The following FKBP5 variants were observed in gnomAD, a reference collection of about 807,000 sequenced individuals.
The protein encoded by FKBP5 is FKBP prolyl isomerase 5.
A neutral mutation model predicts 50.5 loss-of-function variants in FKBP5; 23 were observed. The observed-to-expected ratio is 0.46, with a 90% CI of 0.33 to 0.65. The LOEUF (loss-of-function observed/expected upper bound fraction) is 0.65, where lower values mean the gene tolerates loss of function less well. FKBP5 is among the 30% of genes least tolerant of loss of function. The pLI is 0.02. For synonymous variants in FKBP5, 176 were observed against 190.6 expected, an observed-to-expected ratio of 0.92 and a Z score of 0.63; for missense variants, 411 against 553.1, an observed-to-expected ratio of 0.74 and a Z score of 2.58.
At chr6:35,578,629 G>T (rs1367088829) in intron 9 of FKBP5, among the ~76,000 whole-genome samples, 1 of 148,686 alleles carries the variant, frequency 6.7e-6, no homozygotes, top group African/African-American at 2.4e-5. Flanking sequence ...TTAGCCTGGT[G>T]TGGTGGTCGG....
At chr6:35,610,259 T>C (rs1763448622) in intron 5 of FKBP5, among the ~76,000 whole-genome samples, 1 of 152,118 alleles carries the variant, frequency 6.6e-6, no homozygotes, top group Non-Finnish European at 1.5e-5. Context: ...TTTTCCCCTT[T>C]AAATTTGTTT....
chr6:35,612,907 T>C (rs1342560519), intron 5 of FKBP5, among the ~76,000 whole-genome samples: 1 of 152,236 alleles, frequency 6.6e-6, no homozygotes, highest in African/African-American at 2.4e-5. Context: ...CCGTTATCAC[T>C]GTCACACAAC....
intron 1 of FKBP5, among the ~76,000 whole-genome samples, chr6:35,647,434 T>TG (rs1764660567): frequency 6.6e-6 from 1 of 152,226 alleles, no homozygotes; most frequent in Admixed American, 6.5e-5. Context: ...TGCAAAACTC[T>TG]GAGGTGGAAA....
chr6:35,577,610 G>GACAA (rs1190351087), intron 9 of FKBP5, among the ~76,000 whole-genome samples: 2 of 152,210 alleles, frequency 1.3e-5, no homozygotes, highest in Non-Finnish European at 2.9e-5. Context: ...CTAGCATGTG[G>GACAA]ACAAACAGCT....
At chr6:35,623,218 G>C (rs1290925103) in intron 3 of FKBP5, among the ~76,000 whole-genome samples, 20 of 152,200 alleles carry the variant, frequency 1.3e-4, no homozygotes, top group Admixed American at 1.3e-3. Context: ...CTCCAGCCTG[G>C]GCGAAAGAGC....
At chr6:35,637,619 G>A (rs1011175353) in intron 2 of FKBP5, among the ~76,000 whole-genome samples, 7 of 151,778 alleles carry the variant, frequency 4.6e-5, no homozygotes, top group Admixed American at 4.6e-4. Context: ...GTGCGCCTCC[G>A]TGCTCAGCTA....
intron 1 of FKBP5, among the ~76,000 whole-genome samples, chr6:35,726,800 C>T (rs77677939): frequency 0.036 from 5,520 of 152,208 alleles, 102 homozygotes; most frequent in East Asian, 0.065. Context: ...ACATGAACTC[C>T]GGTGCCAAGC....
upstream of FKBP5, among the ~76,000 whole-genome samples, chr6:35,690,413 C>T (rs1270967028): frequency 2.6e-5 from 4 of 151,372 alleles, no homozygotes; most frequent in Non-Finnish European, 5.9e-5. Flanking sequence ...TGCAGTGAGC[C>T]GAGATCGCAC....
intron 8 of FKBP5, chr6:35,585,980 T>G (rs943071700): frequency 4.1e-6 from 4 of 985,034 alleles, no homozygotes; most frequent in Non-Finnish European, 4.8e-6. Flanking sequence ...GCATGTCTTA[T>G]AGCAGATGCC....
At chr6:35,708,861 C>T (rs1766367099) in intron 2 of FKBP5, among the ~76,000 whole-genome samples, 1 of 151,966 alleles carries the variant, frequency 6.6e-6, no homozygotes, top group Non-Finnish European at 1.5e-5. Context: ...TTGAAGATGG[C>T]ATAAAAATGA....
intron 2 of FKBP5, among the ~76,000 whole-genome samples, chr6:35,701,589 G>T (rs1192529636): frequency 6.6e-6 from 1 of 152,106 alleles, no homozygotes; most frequent in Non-Finnish European, 1.5e-5. Context: ...TGCAAGGCTG[G>T]AGTGCAGTGG....
At chr6:35,650,525 G>A (rs140253283) in intron 1 of FKBP5, among the ~76,000 whole-genome samples, 3,882 of 152,046 alleles carry the variant, frequency 0.026, 72 homozygotes, top group Non-Finnish European at 0.037. Context: ...CCAGGCTGGA[G>A]TGCAGTGGCC....
At chr6:35,718,652 A>T (rs1387953812) in intron 2 of FKBP5, among the ~76,000 whole-genome samples, 1 of 152,216 alleles carries the variant, frequency 6.6e-6, no homozygotes, top group East Asian at 1.9e-4. Flanking sequence ...AATGTGGCTT[A>T]GTTATTCTCC....
chr6:35,624,940 C>T (rs1021213307), intron 3 of FKBP5, among the ~76,000 whole-genome samples: 25 of 152,124 alleles, frequency 1.6e-4, no homozygotes, highest in African/African-American at 5.8e-4. Flanking sequence ...TGAGACCACA[C>T]CACAGAACAA....
chr6:35,624,904 G>T (rs1010780286), intron 3 of FKBP5, among the ~76,000 whole-genome samples: 2 of 152,080 alleles, frequency 1.3e-5, no homozygotes, highest in Non-Finnish European at 2.9e-5. Flanking sequence ...CACTGACAAG[G>T]CCCACTCACT....
intron 1 of FKBP5, among the ~76,000 whole-genome samples, chr6:35,667,058 T>C (rs1269076930): frequency 3.3e-5 from 5 of 149,254 alleles, no homozygotes; most frequent in African/African-American, 5.0e-5. Flanking sequence ...TGTGTGTGTG[T>C]ATACATAGAT....
intron 1 of FKBP5, among the ~76,000 whole-genome samples, chr6:35,671,873 T>A (rs994033666): frequency 7.0e-6 from 1 of 143,696 alleles, no homozygotes; most frequent in African/African-American, 2.6e-5. Flanking sequence ...TTTAGAAGAA[T>A]TTTTTTTTTT....
upstream of FKBP5, among the ~76,000 whole-genome samples, chr6:35,693,204 C>T (rs180733836): frequency 6.7e-3 from 974 of 145,556 alleles, 12 homozygotes; most frequent in African/African-American, 0.021. Flanking sequence ...GCTCTGTTGC[C>T]CAGGCTGGAG....
intron 2 of FKBP5, among the ~76,000 whole-genome samples, chr6:35,716,466 C>T (rs2151023379): frequency 6.6e-6 from 1 of 152,206 alleles, no homozygotes; most frequent in East Asian, 1.9e-4. Context: ...CCTCAGTGTG[C>T]AGCACGGTGT....
Sources: gnomAD v4.1 joint callset for allele counts (sites outside exome capture counted in the v4.1 genomes callset) on GRCh38, gnomAD v4.1.1 for gene constraint, MANE v1.5 for transcripts, NCBI Gene and HGNC (gene_info 2026-07-23, HGNC 2026-07-21) for gene names.